Variants in SOS2 observed in about 807,000 individuals in gnomAD.
The protein encoded by SOS2 is son of sevenless homolog 2.
In SOS2, 65 loss-of-function variants were observed where a neutral mutation model predicts 148.2. That is an observed-to-expected ratio of 0.44 (90% CI 0.36 to 0.54). The LOEUF is 0.54. Ranked by LOEUF, SOS2 falls within the 20% of genes least tolerant of loss-of-function variation. The pLI is 0.00. For synonymous variants in SOS2, 539 were observed against 537.1 expected (o/e 1.00, Z -0.05); for missense variants, 1,341 against 1,590.2 (o/e 0.84, Z 2.67).
intron 14 of SOS2, among the ~76,000 whole-genome samples, chr14:50,147,790 G>A (rs1418090370): frequency 6.6e-6 from 1 of 152,070 alleles, no homozygotes; most frequent in African/African-American, 2.4e-5. Flanking sequence ...AGACAGAAGA[G>A]CAGATTAAAA....
chr14:50,214,844 T>C (rs2139832350), intron 1 of SOS2, among the ~76,000 whole-genome samples: 1 of 151,128 alleles, frequency 6.6e-6, no homozygotes, highest in East Asian at 1.9e-4. Flanking sequence ...CTTTCTTTTT[T>C]TTTTTTTTTG....
intron 7 of SOS2, among the ~76,000 whole-genome samples, chr14:50,179,141 C>T (rs1885640255): frequency 6.6e-6 from 1 of 151,962 alleles, no homozygotes; most frequent in Non-Finnish European, 1.5e-5. Context: ...AGTTACTTGT[C>T]AAAGGCAATT....
chr14:50,206,440 C>T (rs1238911695), intron 1 of SOS2, among the ~76,000 whole-genome samples: 5 of 152,176 alleles, frequency 3.3e-5, no homozygotes, highest in Admixed American at 3.3e-4. Flanking sequence ...CACATCCTCC[C>T]ATATACTTTA....
intron 5 of SOS2, among the ~76,000 whole-genome samples, chr14:50,184,811 C>A (rs1885854859): frequency 1.4e-5 from 2 of 144,110 alleles, no homozygotes; most frequent in Non-Finnish European, 1.5e-5. Context: ...TTATGGTGAG[C>A]CAAGATGGTG....
chr14:50,141,621 A>C (rs1273837407), intron 16 of SOS2, among the ~76,000 whole-genome samples: 2 of 152,174 alleles, frequency 1.3e-5, no homozygotes, highest in Non-Finnish European at 2.9e-5. Context: ...TTATTAACTG[A>C]GTAAATAAAG....
At chr14:50,193,752 A>G (rs1208606711) in intron 4 of SOS2, among the ~76,000 whole-genome samples, 1 of 143,866 alleles carries the variant, frequency 7.0e-6, no homozygotes, top group Non-Finnish European at 1.5e-5. Context: ...AGTCATCGGG[A>G]TTTTTTTTTT....
In SOS2 at chr14:50,145,574, C is replaced by T. The variant is rs1341370097; in HGVS notation, c.2407G>A (p.Val803Ile). Residue 803 changes from valine to isoleucine, a missense_variant, in exon 15 of 23, where the codon GTA (valine) becomes ATA (isoleucine). By Grantham distance (29) the Val-to-Ile change is conservative (BLOSUM62 3). Coordinates refer to ENST00000216373, the MANE Select transcript of SOS2 (RefSeq NM_006939.4). ...TCTTCTTTGGTCCACACACTCCCTA[C>T]AAGTTCAGACGGTTGAACTTTCCTA... ...LYRKVQPSEL[V>I]GSVWTKEDKE... is the part of the protein sequence containing the mutation. 1 of 1,603,388 alleles carries T rather than the reference C, an allele frequency of 6.2e-7. No individual in the cohort carries two copies. The highest frequency in any genetic ancestry group is 1.1e-5 in the South Asian group (1 of 88,644).
chr14:50,156,497 T>G (rs1001108929), intron 12 of SOS2: 1 of 152,286 alleles, frequency 6.6e-6, no homozygotes, highest in Non-Finnish European at 1.5e-5. Flanking sequence ...ATCAAACACA[T>G]TTTTAGAAAT....
chr14:50,118,390 G>C lies in SOS2; in HGVS notation c.3953C>G (p.Pro1318Arg). 3 of 1,613,578 alleles carry C rather than the reference G, an allele frequency of 1.9e-6. No homozygotes were observed. Among genetic ancestry groups the C allele is most frequent in the African/African-American group, 2.7e-5 (2 of 75,014 alleles). ...KTYKRELSHP[P>R]LYRLPLLENA... Reference sequence around the variant, plus strand: ...TTCTAGCAAAGGCAGTCTGTACAATGGGGGGTGCGAAAGCTCCCGTTTGTA... The same window carrying C: ...TTCTAGCAAAGGCAGTCTGTACAATCGGGGGTGCGAAAGCTCCCGTTTGTA... Residue 1318 changes from proline to arginine, a missense_variant, in exon 23 of 23, where the codon CCA becomes CGA. Pro to Arg is a moderately radical substitution (Grantham distance 103). Around this residue, in one of 4 missense-constraint regions of SOS2, gnomAD observed 354 missense variants for 347.7 expected, o/e 1.02. Coordinates refer to ENST00000216373, the MANE Select transcript of SOS2 (RefSeq NM_006939.4).
At chr14:50,203,571 C>A (rs752063318) in intron 2 of SOS2, among the ~76,000 whole-genome samples, 1 of 145,912 alleles carries the variant, frequency 6.9e-6, no homozygotes, top group South Asian at 2.2e-4. Flanking sequence ...TATTTTAGTA[C>A]TAATTTAAAC....
chr14:50,130,796 T>C (rs1021419522), intron 19 of SOS2, 34 bp from the exon 20 acceptor site: 8 of 1,563,076 alleles, frequency 5.1e-6, no homozygotes, highest in East Asian at 4.5e-5. Context: ...TGTCACAAAT[T>C]TGCATAGACA....
At chr14:50,167,112 T>A (rs948610235) in intron 8 of SOS2, among the ~76,000 whole-genome samples, 8 of 151,698 alleles carry the variant, frequency 5.3e-5, no homozygotes, top group South Asian at 4.2e-4. Flanking sequence ...CGTGCTTTTT[T>A]AAAAAAAACA....
intron 18 of SOS2, among the ~76,000 whole-genome samples, chr14:50,135,848 G>T: frequency 6.7e-6 from 1 of 149,956 alleles, no homozygotes. Context: ...CTAATTTTTT[G>T]CTATTATAAT....
At chr14:50,127,452 T>G (rs919568005) in intron 21 of SOS2, among the ~76,000 whole-genome samples, 3 of 152,112 alleles carry the variant, frequency 2.0e-5, no homozygotes, top group Non-Finnish European at 2.9e-5. Flanking sequence ...CAGATCATGT[T>G]TTTATAACAA....
At chr14:50,207,888 G>A (rs1482172916) in intron 1 of SOS2, among the ~76,000 whole-genome samples, 11 of 143,432 alleles carry the variant, frequency 7.7e-5, no homozygotes, top group African/African-American at 2.3e-4. Context: ...ATGACTGAGC[G>A]AGACTCCATC....
intron 8 of SOS2, among the ~76,000 whole-genome samples, chr14:50,169,169 A>G (rs931751535): frequency 2.6e-5 from 4 of 151,852 alleles, no homozygotes; most frequent in African/African-American, 9.7e-5. Context: ...AAAAAAAATT[A>G]GCCAGGCATG....
chr14:50,120,413 C>A (rs1300041693), intron 21 of SOS2, 29 bp from the exon 22 acceptor site: 1 of 1,012,254 alleles, frequency 9.9e-7, no homozygotes, highest in Non-Finnish European at 1.6e-6. Context: ...AGTTTAACCA[C>A]AATTCACAGT....
intron 8 of SOS2, among the ~76,000 whole-genome samples, chr14:50,164,455 A>C (rs1885110120): frequency 6.6e-6 from 1 of 151,658 alleles, no homozygotes. Flanking sequence ...AAAAAATGAA[A>C]ATAAAAATAA....
At chr14:50,220,847 T>C (rs149893051) in intron 1 of SOS2, among the ~76,000 whole-genome samples, 109 of 152,328 alleles carry the variant, frequency 7.2e-4, no homozygotes, top group African/African-American at 2.5e-3. Flanking sequence ...AAGTTTTCTT[T>C]GAATGGCCTA....
Sources: gnomAD v4.1 joint callset for allele counts (sites outside exome capture counted in the v4.1 genomes callset) on GRCh38, gnomAD v4.1.1 for gene constraint, gnomAD v4.1.1 regional missense constraint, MANE v1.5 for transcripts, NCBI Gene and HGNC (gene_info 2026-07-23, HGNC 2026-07-21) for gene names.